Variants in FSHR observed in about 807,000 individuals in gnomAD.
FSHR encodes the protein follicle-stimulating hormone receptor.
In FSHR, 46 loss-of-function variants were observed where a neutral mutation model predicts 52.1. The observed-to-expected ratio is 0.88, with a 90% CI of 0.70 to 1.13. The LOEUF (loss-of-function observed/expected upper bound fraction) is 1.13, where lower values mean the gene tolerates loss of function less well. Ranked by LOEUF, FSHR falls within the 50% of genes most tolerant of loss-of-function variation. The probability of loss-of-function intolerance (pLI) is 0.00; values close to 1 mark genes in which losing one functional copy is unlikely to be tolerated. For synonymous variants in FSHR, 399 were observed against 309.6 expected, an observed-to-expected ratio of 1.29 and a Z score of -3.03; for missense variants, 964 against 834.6, an observed-to-expected ratio of 1.16 and a Z score of -1.91.
intron 1 of FSHR, among the ~76,000 whole-genome samples, chr2:49,146,224 A>G (rs1008185179): frequency 1.3e-5 from 2 of 152,108 alleles, no homozygotes; most frequent in African/African-American, 2.4e-5. Context: ...AGGCAATGCC[A>G]TCTTCTAGGG....
chr2:49,048,465 G>A (rs2104296708), intron 2 of FSHR, among the ~76,000 whole-genome samples: 1 of 152,270 alleles, frequency 6.6e-6, no homozygotes, highest in Non-Finnish European at 1.5e-5. Context: ...TAGTCAGCGT[G>A]TAGTCAGTCA....
At chr2:49,018,731 C>T (rs978189246) in intron 3 of FSHR, among the ~76,000 whole-genome samples, 45 of 151,870 alleles carry the variant, frequency 3.0e-4, no homozygotes, top group African/African-American at 8.5e-4. Flanking sequence ...GCAGAGGCAA[C>T]GAGGAAAAAT....
intron 2 of FSHR, among the ~76,000 whole-genome samples, chr2:49,032,954 C>A (rs140553040): frequency 1.3e-5 from 2 of 152,104 alleles, no homozygotes; most frequent in African/African-American, 4.8e-5. Flanking sequence ...ATTCTGGGAC[C>A]AATTTATTAC....
intron 1 of FSHR, among the ~76,000 whole-genome samples, chr2:49,098,082 TA>T (rs1323761107): frequency 5.9e-5 from 9 of 152,176 alleles, no homozygotes; most frequent in African/African-American, 2.2e-4. Context: ...AAATAAAGAT[TA>T]TCCCAAATAA....
At chr2:48,973,749 C>G (rs1262645044) in intron 8 of FSHR, among the ~76,000 whole-genome samples, 3 of 152,202 alleles carry the variant, frequency 2.0e-5, no homozygotes, top group Admixed American at 1.3e-4. Context: ...AGAAGATATA[C>G]TGGGGAGTGA....
At position 49,083,087 on chromosome 2, in the gene FSHR, G is replaced by A. The variant is rs1572719706; in HGVS notation, c.153-14797C>T. Among the ~76,000 whole-genome samples, 24 of 151,640 alleles carry A rather than the reference G, an allele frequency of 1.6e-4. No homozygotes were observed. In the South Asian group the frequency reaches 5.0e-3, roughly 32 times the overall value. ...AATGAAGGAAAAAATGTTAAGGGCA[G>A]CCAGAGAGAAAGGTCGGGTTACCCT... On this transcript the variant is annotated intron_variant, in intron 1 of 9. Transcript: ENST00000406846.
intron 8 of FSHR, among the ~76,000 whole-genome samples, chr2:48,978,526 A>G (rs971245996): frequency 1.3e-5 from 2 of 152,282 alleles, no homozygotes; most frequent in East Asian, 3.8e-4. Context: ...CCATCAGAAT[A>G]TGATTGTACT....
chr2:49,113,736 T>C (rs1230619258), intron 1 of FSHR, among the ~76,000 whole-genome samples: 2 of 152,158 alleles, frequency 1.3e-5, no homozygotes, highest in African/African-American at 4.8e-5. Flanking sequence ...TTGTAGACAG[T>C]GGTTTCTGAA....
At chr2:49,082,904 A>G (rs1327528367) in intron 1 of FSHR, among the ~76,000 whole-genome samples, 12 of 152,124 alleles carry the variant, frequency 7.9e-5, no homozygotes, top group Non-Finnish European at 1.8e-4. Context: ...GAATGGAACC[A>G]AGTTGGAAAA....
At chr2:49,129,191 A>G (rs1320903560) in intron 1 of FSHR, among the ~76,000 whole-genome samples, 8 of 152,036 alleles carry the variant, frequency 5.3e-5, no homozygotes, top group Non-Finnish European at 1.2e-4. Context: ...TGAATTGCTC[A>G]TGTCACAGTT....
At chr2:49,050,187 C>G (rs373486223) in intron 2 of FSHR, among the ~76,000 whole-genome samples, 8 of 152,166 alleles carry the variant, frequency 5.3e-5, no homozygotes, top group African/African-American at 1.7e-4. Context: ...TCAATAATAA[C>G]TGCTTAATTG....
At chr2:48,991,023 A>G (rs2072484) in intron 4 of FSHR, among the ~76,000 whole-genome samples, 83,844 of 151,892 alleles carry the variant, frequency 0.55, 24,698 homozygotes, top group Non-Finnish European at 0.66. Context: ...ACTCCAAGCG[A>G]TTCTCTTGGG....
intron 1 of FSHR, among the ~76,000 whole-genome samples, chr2:49,121,859 G>A (rs984606666): frequency 1.3e-5 from 2 of 151,200 alleles, no homozygotes; most frequent in African/African-American, 2.4e-5. Context: ...TCATCCTTTC[G>A]TGATCTGTAT....
intron 1 of FSHR, among the ~76,000 whole-genome samples, chr2:49,118,481 A>C (rs1263257358): frequency 6.6e-6 from 1 of 152,150 alleles, no homozygotes; most frequent in African/African-American, 2.4e-5. Flanking sequence ...GTGTCATGTG[A>C]AGTGGCTTCA....
At chr2:48,980,324 T>C (rs574127038) in intron 8 of FSHR, among the ~76,000 whole-genome samples, 1 of 152,350 alleles carries the variant, frequency 6.6e-6, no homozygotes, top group African/African-American at 2.4e-5. Flanking sequence ...CCCTTAATTC[T>C]AGACAGATGT....
intron 2 of FSHR, among the ~76,000 whole-genome samples, chr2:49,061,854 A>G (rs968697350): frequency 3.2e-5 from 2 of 63,212 alleles, no homozygotes; most frequent in Non-Finnish European, 4.1e-5. Context: ...AAATATAAAT[A>G]TAATATATTT....
intron 2 of FSHR, among the ~76,000 whole-genome samples, chr2:49,042,324 C>T (rs1042606745): frequency 1.3e-5 from 2 of 152,018 alleles, no homozygotes; most frequent in South Asian, 2.1e-4. Flanking sequence ...AAATGAGAAC[C>T]AAACCAGACT....
intron 1 of FSHR, among the ~76,000 whole-genome samples, chr2:49,087,719 G>A (rs1410132994): frequency 6.6e-6 from 1 of 152,112 alleles, no homozygotes; most frequent in African/African-American, 2.4e-5. Context: ...GGAGACAGAG[G>A]GAGGGAGCAA....
At chr2:49,063,987 ATG>A (rs1669410955) in intron 2 of FSHR, among the ~76,000 whole-genome samples, 1 of 152,094 alleles carries the variant, frequency 6.6e-6, no homozygotes, top group Non-Finnish European at 1.5e-5. Context: ...ATGCACAATT[ATG>A]TGTCAATTAA....
Sources: allele counts gnomAD v4.1 joint callset (sites outside exome capture counted in the v4.1 genomes callset), GRCh38; gene constraint gnomAD v4.1.1; transcripts MANE v1.5; gene names NCBI Gene and HGNC (gene_info 2026-07-23, HGNC 2026-07-21).